INSYN2A: variants seen among roughly 807,000 people sequenced by gnomAD.
The protein encoded by INSYN2A is inhibitory synaptic factor 2A, also known as family with sequence similarity 196 member A.
Under a neutral mutation model 39.4 loss-of-function variants are expected in INSYN2A, and 17 were observed. The ratio of observed to expected loss-of-function variants is 0.43; its 90% confidence interval spans 0.30 to 0.65. The LOEUF (loss-of-function observed/expected upper bound fraction) is 0.65, where lower values mean the gene tolerates loss of function less well. INSYN2A is among the 30% of genes least tolerant of loss of function. INSYN2A has a pLI of 0.14. For missense variants in INSYN2A, 595 were observed against 631.2 expected (o/e 0.94, Z 0.61); for synonymous variants, 255 against 265.7 (o/e 0.96, Z 0.39).
chr10:127,194,750 CCCTGTGCTAT>C (rs1325434104), intron 1 of INSYN2A, among the ~76,000 whole-genome samples: 8 of 152,202 alleles, frequency 5.3e-5, no homozygotes, highest in African/African-American at 1.9e-4. Context: ...CAGACGTCTA[CCCTGTGCTAT>C]CCTGAGCTGT....
At chr10:127,190,665 TCCCCCCCCC>T (rs56041181) in intron 2 of INSYN2A, among the ~76,000 whole-genome samples, 29,229 of 44,660 alleles carry the variant, frequency 0.65, 10,616 homozygotes, top group South Asian at 0.81. Flanking sequence ...AATCCTATCT[TCCCCCCCCC>T]CCCCCCCCCG....
intron 2 of INSYN2A, among the ~76,000 whole-genome samples, chr10:127,184,003 A>G (rs1414318463): frequency 6.6e-6 from 1 of 152,104 alleles, no homozygotes; most frequent in East Asian, 1.9e-4. Flanking sequence ...TCGAAGGTTT[A>G]TCTCTTTGTG....
intron 4 of INSYN2A, among the ~76,000 whole-genome samples, chr10:127,161,214 G>A (rs899274452): frequency 5.3e-5 from 8 of 152,136 alleles, no homozygotes; most frequent in Admixed American, 2.0e-4. Flanking sequence ...TCATGGAAAC[G>A]CAAGTACATT....
At chr10:127,184,264 T>C (rs1462725475) in intron 2 of INSYN2A, among the ~76,000 whole-genome samples, 1 of 152,146 alleles carries the variant, frequency 6.6e-6, no homozygotes. Flanking sequence ...GTCAGTATTT[T>C]TATGCTGAAG....
At chr10:127,185,670 G>A (rs769640652) in intron 2 of INSYN2A, among the ~76,000 whole-genome samples, 4 of 152,094 alleles carry the variant, frequency 2.6e-5, no homozygotes, top group Non-Finnish European at 4.4e-5. Context: ...AACATGAGTA[G>A]GAATTAGAGA....
chr10:127,187,851 T>C (rs2056425818), intron 2 of INSYN2A, among the ~76,000 whole-genome samples: 1 of 152,214 alleles, frequency 6.6e-6, no homozygotes, highest in Admixed American at 6.5e-5. Context: ...TCAGAACTTC[T>C]GGAGGATGGA....
intron 4 of INSYN2A, among the ~76,000 whole-genome samples, chr10:127,160,719 T>G (rs1260459153): frequency 6.6e-6 from 1 of 152,218 alleles, no homozygotes; most frequent in East Asian, 1.9e-4. Flanking sequence ...TAGCTAGAGA[T>G]GGTGGTTGTT....
At chr10:127,165,656 G>T (rs1429529798) in intron 4 of INSYN2A, among the ~76,000 whole-genome samples, 3 of 152,154 alleles carry the variant, frequency 2.0e-5, no homozygotes, top group African/African-American at 4.8e-5. Context: ...TATGAGGAAG[G>T]AAGAGCCAGA....
chr10:127,136,825 C>T lies in INSYN2A; in HGVS notation c.*1012G>A, dbSNP rs929865242. 1 of 152,532 alleles carries T rather than the reference C, an allele frequency of 6.6e-6. No individual in the cohort carries two copies. The highest frequency in any genetic ancestry group is 1.5e-5 in the Non-Finnish European group (1 of 68,032). The allele number at this position is 152,532 out of a possible 1,614,324, so 9.4% of individuals were successfully genotyped here. ...ACGCACTGTTTCTCTTTGAGATGGTCAGGGCTTCCACCATTAATACAAAGC... is the reference window on the plus strand; with the variant it reads ...ACGCACTGTTTCTCTTTGAGATGGTTAGGGCTTCCACCATTAATACAAAGC... On this transcript the variant is annotated 3_prime_UTR_variant, in exon 6 of 6. Transcript: ENST00000522781.
chr10:127,146,852 T>C (rs989840536), intron 5 of INSYN2A, among the ~76,000 whole-genome samples: 2 of 152,184 alleles, frequency 1.3e-5, no homozygotes, highest in Non-Finnish European at 2.9e-5. Flanking sequence ...TGCATACAAA[T>C]GCAATTACCA....
chr10:127,153,477 C>G (rs1159433682), intron 5 of INSYN2A, among the ~76,000 whole-genome samples: 3 of 152,308 alleles, frequency 2.0e-5, no homozygotes, highest in African/African-American at 7.2e-5. Context: ...CCATGGTATT[C>G]CTAGCACATA....
At chr10:127,186,899 G>T (rs2056325625) in intron 2 of INSYN2A, among the ~76,000 whole-genome samples, 1 of 152,132 alleles carries the variant, frequency 6.6e-6, no homozygotes, top group Admixed American at 6.5e-5. Context: ...GGGGATGTGT[G>T]CTGGAACATA....
intron 5 of INSYN2A, among the ~76,000 whole-genome samples, chr10:127,149,670 C>T (rs1288532255): frequency 1.3e-5 from 2 of 150,700 alleles, no homozygotes; most frequent in Non-Finnish European, 3.0e-5. Context: ...AAATTCATTT[C>T]CCTCCAGGGC....
chr10:127,159,448 A>G (rs577116186), intron 4 of INSYN2A, among the ~76,000 whole-genome samples: 127 of 152,280 alleles, frequency 8.3e-4, no homozygotes, highest in African/African-American at 2.1e-3. Flanking sequence ...GAATGTATAA[A>G]TAAATATATA....
At chr10:127,191,050 A>G (rs1393439835) in intron 2 of INSYN2A, among the ~76,000 whole-genome samples, 3 of 151,776 alleles carry the variant, frequency 2.0e-5, no homozygotes, top group Non-Finnish European at 4.4e-5. Context: ...CAGCACCTCA[A>G]CCTTTGCTGA....
In INSYN2A at chr10:127,175,147, G is replaced by A. The variant is rs1177332981; in HGVS notation, c.1184+65C>T. 7.3e-7 allele frequency: 1 copy of A among 1,374,158 alleles called. No individual in the cohort carries two copies. Among genetic ancestry groups the A allele is most frequent in the Non-Finnish European group, 1.0e-6 (1 of 990,058 alleles). The allele number at this position is 1,374,158 out of a possible 1,614,324, so 85.1% of individuals were successfully genotyped here. ...GTCTCATTACAGACTTGGGTTTGGG[G>A]CTACAGATGGACTCTGTGGTGATCA... On this transcript the variant is annotated intron_variant, in intron 4 of 5. Coordinates refer to ENST00000522781, the MANE Select transcript of INSYN2A (RefSeq NM_001039762.3). This position sits in a 1 kb window ranked among gnomAD's most constrained non-coding sequence, Gnocchi z 6.3.
intron 5 of INSYN2A, among the ~76,000 whole-genome samples, chr10:127,143,027 C>G (rs1005773683): frequency 2.9e-4 from 44 of 152,228 alleles, no homozygotes; most frequent in African/African-American, 1.0e-3. Flanking sequence ...CTTCTCCCCG[C>G]TGCCGCATGT....
At chr10:127,144,321 C>G (rs1445526482) in intron 5 of INSYN2A, among the ~76,000 whole-genome samples, 1 of 152,210 alleles carries the variant, frequency 6.6e-6, no homozygotes, top group East Asian at 1.9e-4. Flanking sequence ...CTCATCCACA[C>G]ACCTCTGGGA....
At chr10:127,155,572 C>T (rs1483790259) in intron 4 of INSYN2A, among the ~76,000 whole-genome samples, 1 of 152,108 alleles carries the variant, frequency 6.6e-6, no homozygotes, top group East Asian at 1.9e-4. Context: ...TGTGCCTTAT[C>T]CCCTCCCCTT....
Sources: gnomAD v4.1 joint callset for allele counts (sites outside exome capture counted in the v4.1 genomes callset) on GRCh38, gnomAD v4.1.1 for gene constraint, Gnocchi (gnomAD v3.1) non-coding constraint, MANE v1.5 for transcripts, NCBI Gene and HGNC (gene_info 2026-07-23, HGNC 2026-07-21) for gene names.